Variants in ILRUN observed in about 807,000 individuals in gnomAD.
ILRUN encodes the protein protein ILRUN.
Under a neutral mutation model 33.8 loss-of-function variants are expected in ILRUN, and 3 were observed. The observed-to-expected ratio is 0.09, with a 90% CI of 0.04 to 0.23. The LOEUF (loss-of-function observed/expected upper bound fraction) is 0.23, where lower values mean the gene tolerates loss of function less well. Ranked by LOEUF, ILRUN falls within the 10% of genes least tolerant of loss-of-function variation. The pLI is 1.00. For synonymous variants in ILRUN, 124 were observed against 138.9 expected, an observed-to-expected ratio of 0.89 and a Z score of 0.75; for missense variants, 210 against 375.1, an observed-to-expected ratio of 0.56 and a Z score of 3.64.
chr6:34,688,792 GACAACA>G (rs139636955), intron 1 of ILRUN, among the ~76,000 whole-genome samples: 12 of 151,230 alleles, frequency 7.9e-5, no homozygotes, highest in Admixed American at 5.9e-4. Flanking sequence ...CAGCCTGGGC[GACAACA>G]ACAACAACAA....
intron 2 of ILRUN, among the ~76,000 whole-genome samples, chr6:34,650,579 T>C (rs2744958): frequency 0.53 from 80,478 of 151,646 alleles, 25,272 homozygotes; most frequent in African/African-American, 0.88. Flanking sequence ...TACAGGCGCC[T>C]GCCACCATGC....
At chr6:34,663,531 GAGAC>G (rs1762934301) in intron 1 of ILRUN, among the ~76,000 whole-genome samples, 2 of 152,236 alleles carry the variant, frequency 1.3e-5, no homozygotes, top group South Asian at 2.1e-4. Flanking sequence ...GAGAGAGAGA[GAGAC>G]AGACAGGGTC....
intron 2 of ILRUN, among the ~76,000 whole-genome samples, chr6:34,651,782 CA>C (rs1414177864): frequency 7.3e-6 from 1 of 136,394 alleles, no homozygotes; most frequent in Non-Finnish European, 1.6e-5. Flanking sequence ...TGGTAGATTC[CA>C]AAAAACTTTT....
At chr6:34,597,274 A>G (rs138165127) in intron 4 of ILRUN, among the ~76,000 whole-genome samples, 481 of 152,372 alleles carry the variant, frequency 3.2e-3, no homozygotes, top group Middle Eastern at 0.017. Flanking sequence ...TTCTAGCTCC[A>G]AAGATCTGAT....
At chr6:34,632,199 G>A (rs555000390) in intron 3 of ILRUN, among the ~76,000 whole-genome samples, 33 of 152,288 alleles carry the variant, frequency 2.2e-4, no homozygotes, top group African/African-American at 7.9e-4. Flanking sequence ...CCAGCACTTT[G>A]GAAGGCTGAG....
intron 3 of ILRUN, among the ~76,000 whole-genome samples, chr6:34,635,823 T>C (rs1299803861): frequency 1.3e-5 from 2 of 152,094 alleles, no homozygotes; most frequent in Non-Finnish European, 2.9e-5. Context: ...GGTTTCACCA[T>C]GTTGGACAGG....
chr6:34,676,565 C>T (rs746172833), intron 1 of ILRUN, among the ~76,000 whole-genome samples: 9 of 151,916 alleles, frequency 5.9e-5, no homozygotes, highest in East Asian at 1.9e-4. Context: ...AGCAGTGGCA[C>T]GACCTCAGCT....
At chr6:34,679,756 T>G (rs1402385053) in intron 1 of ILRUN, among the ~76,000 whole-genome samples, 7 of 152,088 alleles carry the variant, frequency 4.6e-5, no homozygotes, top group Non-Finnish European at 1.0e-4. Context: ...TCATACAAGA[T>G]TAGGGTGGGC....
At chr6:34,655,727 C>T (rs1288590781) in intron 1 of ILRUN, among the ~76,000 whole-genome samples, 1 of 151,998 alleles carries the variant, frequency 6.6e-6, no homozygotes, top group Non-Finnish European at 1.5e-5. Context: ...TACTGCTGTG[C>T]CAGAGTTTGT....
intron 1 of ILRUN, among the ~76,000 whole-genome samples, chr6:34,682,021 C>CTTTTTTTTTTTTTTTTTTTTTTTTT (rs1377020252): frequency 7.7e-6 from 1 of 130,016 alleles, no homozygotes; most frequent in African/African-American, 3.0e-5. Context: ...CCCACTAATT[C>CTTTTTTTTTTTTTTTTTTTTTTTTT]TTATATTTTT....
Position 34,637,125 on chromosome 6 carries a change from G to C in ILRUN, c.511+9476C>G, listed in dbSNP as rs529082484. On this transcript the variant is annotated intron_variant, in intron 3 of 4. Transcript: ENST00000374023. The stretch of plus-strand genomic sequence containing the variant: ...GCATATTAAAATTACTGTCACTTCA[G>C]AACTGGGGAAGTGCAGTAAGTTCTA... Among the ~76,000 whole-genome samples the C allele has an allele frequency of 4.6e-5, 7 of 152,246 alleles. No individual in the cohort carries two copies. The East Asian group carries it at 1.3e-3, about 29-fold the overall frequency.
At chr6:34,616,641 T>A in intron 3 of ILRUN, 1 of 1,516,554 alleles carries the variant, frequency 6.6e-7, no homozygotes, top group Non-Finnish European at 9.0e-7. Flanking sequence ...AGAAAGAAGT[T>A]TGCCCAAAAG....
At chr6:34,642,825 C>CAA (rs57866309) in intron 3 of ILRUN, among the ~76,000 whole-genome samples, 1,864 of 42,676 alleles carry the variant, frequency 0.044, 86 homozygotes, top group African/African-American at 0.057. Flanking sequence ...CCGTCTCTAC[C>CAA]AAAAAAAAAA....
intron 1 of ILRUN, among the ~76,000 whole-genome samples, chr6:34,675,570 C>T (rs968159320): frequency 1.2e-4 from 19 of 152,192 alleles, no homozygotes; most frequent in Admixed American, 2.0e-4. Context: ...TGCCCCTCCC[C>T]GCCACACCGC....
Position 34,646,598 on chromosome 6 carries a change from C to T in ILRUN, c.511+3G>A. 1 of 1,613,682 alleles carries T rather than the reference C, an allele frequency of 6.2e-7. No individual in the cohort carries two copies. Among genetic ancestry groups the T allele is most frequent in the Non-Finnish European group, 8.5e-7 (1 of 1,179,798 alleles). ...ACCCTGGGCTGCACAAGGACATACTCACCTCCATAGTAGAGTCCTGTAGCA... is the reference window on the plus strand; with the variant it reads ...ACCCTGGGCTGCACAAGGACATACTTACCTCCATAGTAGAGTCCTGTAGCA... On this transcript the variant is annotated splice_donor_region_variant and intron_variant, in intron 3 of 4. Coordinates refer to ENST00000374023, the MANE Select transcript of ILRUN (RefSeq NM_024294.4). The surrounding 1 kb of genome is among the most constrained non-coding windows in gnomAD (Gnocchi z 4.9).
At chr6:34,616,517 T>A in intron 3 of ILRUN, 2 of 977,100 alleles carry the variant, frequency 2.0e-6, no homozygotes, top group East Asian at 2.4e-5. Context: ...GTCAGTATTA[T>A]GCTCTTTTCA....
chr6:34,662,775 A>C (rs1367415472), intron 1 of ILRUN, among the ~76,000 whole-genome samples: 1 of 152,198 alleles, frequency 6.6e-6, no homozygotes. Context: ...GGAATAGTAC[A>C]CTTAAAAATC....
intron 1 of ILRUN, among the ~76,000 whole-genome samples, chr6:34,660,265 T>G (rs1242040484): frequency 6.6e-6 from 1 of 151,678 alleles, no homozygotes; most frequent in Non-Finnish European, 1.5e-5. Context: ...ACTGCGCCAC[T>G]GCACTCCAGC....
chr6:34,597,709 C>T (rs1301013685), intron 4 of ILRUN, among the ~76,000 whole-genome samples: 2 of 152,164 alleles, frequency 1.3e-5, no homozygotes, highest in African/African-American at 2.4e-5. Flanking sequence ...AAAAGCATTG[C>T]TGGCACTCTC....
Sources: gnomAD v4.1 joint callset for allele counts (sites outside exome capture counted in the v4.1 genomes callset) on GRCh38, gnomAD v4.1.1 for gene constraint, Gnocchi (gnomAD v3.1) non-coding constraint, MANE v1.5 for transcripts, NCBI Gene and HGNC (gene_info 2026-07-23, HGNC 2026-07-21) for gene names.